The following GPR176 variants were observed in gnomAD, a reference collection of about 807,000 sequenced individuals.
GPR176 encodes G protein-coupled receptor 176.
Under a neutral mutation model 35.4 loss-of-function variants are expected in GPR176, and 26 were observed. The observed-to-expected ratio is 0.74, with a 90% CI of 0.54 to 1.02. The LOEUF (loss-of-function observed/expected upper bound fraction) is 1.02, where lower values mean the gene tolerates loss of function less well. Ranked by LOEUF, GPR176 falls within the 50% of genes least tolerant of loss-of-function variation. The pLI, the probability that GPR176 is intolerant of heterozygous loss-of-function variation, is 0.00. For synonymous variants in GPR176, 278 were observed against 271.3 expected (o/e 1.02, Z -0.24); for missense variants, 597 against 665.3 (o/e 0.90, Z 1.13).
At chr15:39,902,209 C>T (rs1312215240) in intron 1 of GPR176, among the ~76,000 whole-genome samples, 2 of 152,236 alleles carry the variant, frequency 1.3e-5, no homozygotes, top group African/African-American at 4.8e-5. Flanking sequence ...TTAAGAATCT[C>T]TGCCTTGCAA....
Position 39,826,733 on chromosome 15 carries a change from C to T in GPR176, c.173-19475G>A, listed in dbSNP as rs538381614. Among the ~76,000 whole-genome samples the T allele has an allele frequency of 1.2e-4, 19 of 152,324 alleles. No individual in the cohort carries two copies. The South Asian group carries it at 2.3e-3, about 18-fold the overall frequency. On this transcript the variant is annotated intron_variant, in intron 1 of 2. Coordinates refer to ENST00000561100, the MANE Select transcript of GPR176 (RefSeq NM_007223.3). ...AAATCCAACCTGCTCATTGAAGCTGCTTCTTCAGCTCTTGCCTGGAGTAAA... is the reference window on the plus strand; with the variant it reads ...AAATCCAACCTGCTCATTGAAGCTGTTTCTTCAGCTCTTGCCTGGAGTAAA...
At chr15:39,836,386 C>T (rs1024438846) in intron 1 of GPR176, among the ~76,000 whole-genome samples, 6 of 152,084 alleles carry the variant, frequency 3.9e-5, no homozygotes, top group Admixed American at 1.3e-4. Flanking sequence ...GCACCTCTGC[C>T]TCTCTCTCCT....
chr15:39,839,911 G>A (rs1005875246), intron 1 of GPR176, among the ~76,000 whole-genome samples: 2 of 152,182 alleles, frequency 1.3e-5, no homozygotes, highest in Non-Finnish European at 2.9e-5. Flanking sequence ...TTAGAGAAAT[G>A]CAAATCAAAA....
intron 1 of GPR176, among the ~76,000 whole-genome samples, chr15:39,847,943 C>T (rs2030566365): frequency 6.6e-6 from 1 of 151,910 alleles, no homozygotes; most frequent in Non-Finnish European, 1.5e-5. Flanking sequence ...CAATCATGGC[C>T]GAAGGTGATG....
At chr15:39,845,205 T>C (rs1322685140) in intron 1 of GPR176, among the ~76,000 whole-genome samples, 3 of 152,004 alleles carry the variant, frequency 2.0e-5, no homozygotes, top group African/African-American at 7.2e-5. Context: ...TCAGAGCCCT[T>C]GAGGGGTACT....
chr15:39,896,811 C>T (rs1595516087), intron 1 of GPR176, among the ~76,000 whole-genome samples: 2 of 152,310 alleles, frequency 1.3e-5, no homozygotes, highest in Admixed American at 1.3e-4. Context: ...ACTCCACAGG[C>T]TGAGGCCAGA....
At chr15:39,829,398 G>A (rs1900911024) in intron 1 of GPR176, 4 of 1,172,802 alleles carry the variant, frequency 3.4e-6, no homozygotes, top group Non-Finnish European at 3.2e-6. Flanking sequence ...GTCAAATCTA[G>A]GAAAGCCCTG....
intron 1 of GPR176, among the ~76,000 whole-genome samples, chr15:39,819,523 A>G (rs1900130547): frequency 6.6e-6 from 1 of 152,156 alleles, no homozygotes; most frequent in Admixed American, 6.5e-5. Context: ...TTTCCTGTGT[A>G]CTCACTTTTA....
At chr15:39,910,520 T>G (rs1197537631) in intron 1 of GPR176, among the ~76,000 whole-genome samples, 1 of 151,518 alleles carries the variant, frequency 6.6e-6, no homozygotes, top group Non-Finnish European at 1.5e-5. Context: ...ATCACGCCAC[T>G]CTACTCCAGC....
chr15:39,915,304 G>C (rs2033697746), intron 1 of GPR176, among the ~76,000 whole-genome samples: 1 of 152,138 alleles, frequency 6.6e-6, no homozygotes, highest in South Asian at 2.1e-4. Context: ...TCCTCACATG[G>C]TGCAAAGAAA....
At chr15:39,910,489 G>C (rs1015323574) in intron 1 of GPR176, among the ~76,000 whole-genome samples, 6 of 151,686 alleles carry the variant, frequency 4.0e-5, no homozygotes, top group African/African-American at 1.5e-4. Context: ...ACCTTGGAGG[G>C]GGAGGTTGCA....
intron 1 of GPR176, among the ~76,000 whole-genome samples, chr15:39,831,064 T>G (rs1193093737): frequency 1.3e-5 from 2 of 152,226 alleles, no homozygotes; most frequent in Non-Finnish European, 2.9e-5. Context: ...AACAGTTCTT[T>G]TTAGCTTAAG....
At chr15:39,851,692 C>T (rs536927793) in intron 1 of GPR176, among the ~76,000 whole-genome samples, 12 of 152,304 alleles carry the variant, frequency 7.9e-5, no homozygotes, top group African/African-American at 2.9e-4. Flanking sequence ...TGGGCTGCAG[C>T]CCCTGGTTGT....
In GPR176 at chr15:39,821,306, G is replaced by A. The variant is rs535631951; in HGVS notation, c.173-14048C>T. Among the ~76,000 whole-genome samples, 15 of 152,170 alleles carry A rather than the reference G, an allele frequency of 9.9e-5. No homozygotes were observed. The South Asian group carries it at 2.7e-3, about 27-fold the overall frequency. The stretch of plus-strand genomic sequence containing the variant: ...GCAAGGGAAAGAATTTTCTATCCTG[G>A]GAAAGATCGATTTTCTACTTTCTCA... On this transcript the variant is annotated intron_variant, in intron 1 of 2. Transcript: ENST00000561100.
chr15:39,812,372 G>A (rs1899625051), intron 1 of GPR176, among the ~76,000 whole-genome samples: 2 of 152,176 alleles, frequency 1.3e-5, no homozygotes, highest in Admixed American at 1.3e-4. Flanking sequence ...AGACTAGACT[G>A]GCTAAGGCTA....
chr15:39,904,199 A>T (rs2033359545), intron 1 of GPR176, among the ~76,000 whole-genome samples: 1 of 151,904 alleles, frequency 6.6e-6, no homozygotes, highest in East Asian at 1.9e-4. Context: ...GGTCTTTATG[A>T]CCTGTATCTT....
intron 1 of GPR176, among the ~76,000 whole-genome samples, chr15:39,876,670 C>A (rs979819640): frequency 6.6e-6 from 1 of 151,968 alleles, no homozygotes; most frequent in Non-Finnish European, 1.5e-5. Flanking sequence ...CATGGCAAAA[C>A]CCCCTCTCTA....
chr15:39,907,466 C>G (rs2033455740), intron 1 of GPR176, among the ~76,000 whole-genome samples: 1 of 152,222 alleles, frequency 6.6e-6, no homozygotes. Context: ...ATCCTGAGAG[C>G]TGGCCACTAG....
At chr15:39,908,008 T>TA (rs1456148368) in intron 1 of GPR176, among the ~76,000 whole-genome samples, 5 of 151,678 alleles carry the variant, frequency 3.3e-5, no homozygotes, top group South Asian at 2.1e-4. Context: ...AAACAAAATT[T>TA]AAAAAAAATA....
Sources: gnomAD v4.1 joint callset for allele counts (sites outside exome capture counted in the v4.1 genomes callset) on GRCh38, gnomAD v4.1.1 for gene constraint, MANE v1.5 for transcripts, NCBI Gene and HGNC (gene_info 2026-07-23, HGNC 2026-07-21) for gene names.